The following WDR19 variants were observed in gnomAD, a reference collection of about 807,000 sequenced individuals.
WDR19 encodes the protein WD repeat-containing protein 19.
A neutral mutation model predicts 180.0 loss-of-function variants in WDR19; 121 were observed. The observed-to-expected ratio is 0.67, with a 90% CI of 0.58 to 0.78. WDR19 has a LOEUF of 0.78. WDR19 is among the 30% of genes least tolerant of loss of function. The pLI is 0.00. For missense variants in WDR19, 1,450 were observed against 1,640.7 expected (o/e 0.88, Z 2.01); for synonymous variants, 497 against 540.7 (o/e 0.92, Z 1.12).
chr4:39,234,976 A>G, intron 20 of WDR19, 101 bp downstream of exon 20: 1 of 685,034 alleles, frequency 1.5e-6, no homozygotes, highest in Non-Finnish European at 2.5e-6. Context: ...TGATTTAATA[A>G]TTTTTTTAGA....
At chr4:39,200,190 C>T (rs1023633318) in intron 6 of WDR19, among the ~76,000 whole-genome samples, 5 of 152,206 alleles carry the variant, frequency 3.3e-5, no homozygotes, top group African/African-American at 1.2e-4. Context: ...TTGACTAACA[C>T]ATTCTTTGAA....
At chr4:39,226,631 A>G (rs1307937988) in intron 15 of WDR19, among the ~76,000 whole-genome samples, 2 of 152,174 alleles carry the variant, frequency 1.3e-5, no homozygotes, top group African/African-American at 4.8e-5. Flanking sequence ...GACTTTGGGC[A>G]GATTTCTCTG....
rs1475915043 is a variant in WDR19 at position 39,269,496 on chromosome 4, A to G, written c.3359-480A>G. Among the ~76,000 whole-genome samples the G allele has an allele frequency of 3.3e-5, 5 of 152,210 alleles. No homozygotes were observed. The South Asian group carries it at 1.0e-3, about 32-fold the overall frequency. On this transcript the variant is annotated intron_variant, in intron 30 of 36. Transcript: ENST00000399820. Reference sequence around the variant, plus strand: ...CCTGAGGAAGAGTAAGACATCAAGGAGGACACCACCATTTTTCACCAGAGC... The same window carrying G: ...CCTGAGGAAGAGTAAGACATCAAGGGGGACACCACCATTTTTCACCAGAGC...
At chr4:39,226,164 G>A (rs1560512005) in intron 15 of WDR19, among the ~76,000 whole-genome samples, 2 of 152,222 alleles carry the variant, frequency 1.3e-5, no homozygotes, top group East Asian at 1.9e-4. Flanking sequence ...AGAGTAGGAG[G>A]GTAAATCAGG....
At chr4:39,254,489 A>G (rs576176925) in intron 26 of WDR19, among the ~76,000 whole-genome samples, 1 of 152,304 alleles carries the variant, frequency 6.6e-6, no homozygotes, top group South Asian at 2.1e-4. Context: ...TCCAAAGGAT[A>G]ATTTGATATT....
intron 36 of WDR19, 80 bp from the exon 37 acceptor site, chr4:39,285,407 A>AGTAT (rs1258297294): frequency 1.3e-5 from 2 of 152,178 alleles, no homozygotes; most frequent in African/African-American, 2.4e-5. Flanking sequence ...AATTCTTTTT[A>AGTAT]GTATGTTTGG....
In WDR19 at chr4:39,211,055, G is replaced by A. The variant is rs113594526; in HGVS notation, c.891-3546G>A. Among the ~76,000 whole-genome samples the A allele has an allele frequency of 8.3e-3, 1,262 of 151,908 alleles. 15 individuals are homozygous for A. The highest frequency in any genetic ancestry group is 0.029 in the African/African-American group (1,207 of 41,416). ...TGGGAGGTTGAGGCTGCAGTGAGCT[G>A]TGGTCATTTCCTGTAGTCCCAGCAA... On this transcript the variant is annotated intron_variant, in intron 9 of 36. Coordinates refer to ENST00000399820, the MANE Select transcript of WDR19 (RefSeq NM_025132.4).
At chr4:39,247,861 A>T (rs1732701551) in intron 24 of WDR19, among the ~76,000 whole-genome samples, 1 of 152,232 alleles carries the variant, frequency 6.6e-6, no homozygotes, top group African/African-American at 2.4e-5. Context: ...ATGTGAAAAG[A>T]CCAAATCTAC....
At chr4:39,284,645 T>TAAA (rs144371093) in intron 36 of WDR19, among the ~76,000 whole-genome samples, 16 of 132,176 alleles carry the variant, frequency 1.2e-4, no homozygotes, top group East Asian at 4.5e-4. Context: ...CCTGGCTTTC[T>TAAA]AAAAAAAAAA....
rs368849745 is a variant in WDR19, at chr4:39,193,250, C to T, written c.291-1294C>T. On this transcript the variant is annotated intron_variant, in intron 4 of 36. Transcript: ENST00000399820. ...AATCTTGGCTCACTGCAACCTCCGC[C>T]TCCCGGGTTCAAGCGATTCTTCTGC... 2.4e-4 allele frequency among the ~76,000 whole-genome samples: 36 copies of T among 151,522 alleles called. No individual in the cohort carries two copies. In the East Asian group the frequency reaches 7.0e-3, roughly 29 times the overall value.
At chr4:39,236,899 G>A (rs908420263) in intron 20 of WDR19, among the ~76,000 whole-genome samples, 5 of 152,164 alleles carry the variant, frequency 3.3e-5, no homozygotes, top group African/African-American at 4.8e-5. Context: ...TTATTGCAGT[G>A]TTGCATCGAA....
intron 32 of WDR19, 135 bp downstream of exon 32, chr4:39,273,196 A>C: frequency 1.5e-6 from 1 of 656,032 alleles, no homozygotes; most frequent in East Asian, 3.1e-5. Context: ...GTGGTATGTC[A>C]GGGCCCCAAG....
chr4:39,284,503 T>A (rs1433016548), intron 36 of WDR19, among the ~76,000 whole-genome samples: 2 of 38,124 alleles, frequency 5.2e-5, no homozygotes, highest in African/African-American at 7.2e-4. Context: ...CATACCCAGC[T>A]TTTTTTTTTC....
intron 35 of WDR19, 47 bp from the exon 36 acceptor site, chr4:39,278,492 G>C (rs746696502): frequency 6.8e-7 from 1 of 1,474,812 alleles, no homozygotes; most frequent in Non-Finnish European, 9.4e-7. Context: ...CAAAGCTAAA[G>C]GAATGTTATA....
At chr4:39,193,664 T>G (rs559348708) in intron 4 of WDR19, among the ~76,000 whole-genome samples, 43 of 152,336 alleles carry the variant, frequency 2.8e-4, no homozygotes, top group South Asian at 1.0e-3. Flanking sequence ...AAACTTACTC[T>G]TTTGTCCTTT....
intron 30 of WDR19, among the ~76,000 whole-genome samples, chr4:39,268,549 C>T (rs1735032696): frequency 2.0e-5 from 3 of 152,188 alleles, no homozygotes; most frequent in African/African-American, 7.2e-5. Context: ...TGGTTCTGCT[C>T]ACATGTGCTC....
chr4:39,274,648 G>T, intron 32 of WDR19, 160 bp from the exon 33 acceptor site: 1 of 796,340 alleles, frequency 1.3e-6, no homozygotes, highest in Admixed American at 2.7e-5. Context: ...CCACAGCTAC[G>T]TACTTTCCTC....
At chr4:39,224,841 C>T (rs1577923863) in intron 14 of WDR19, 43 bp from the exon 15 acceptor site, 4 of 1,446,526 alleles carry the variant, frequency 2.8e-6, no homozygotes, top group Non-Finnish European at 3.7e-6. Context: ...ATTTCCTTGA[C>T]TACCTTTTAT....
At chr4:39,216,909 A>G (rs989434807) in intron 12 of WDR19, among the ~76,000 whole-genome samples, 2 of 152,248 alleles carry the variant, frequency 1.3e-5, no homozygotes, top group Non-Finnish European at 2.9e-5. Context: ...ACTTTGTTTC[A>G]GGTAAACCAT....
Sources: gnomAD v4.1 joint callset for allele counts (sites outside exome capture counted in the v4.1 genomes callset) on GRCh38, gnomAD v4.1.1 for gene constraint, MANE v1.5 for transcripts, NCBI Gene and HGNC (gene_info 2026-07-23, HGNC 2026-07-21) for gene names.